The following WDR64 variants were observed in gnomAD, a reference collection of about 807,000 sequenced individuals.
WDR64 encodes WD repeat domain 64.
Under a neutral mutation model 139.3 loss-of-function variants are expected in WDR64, and 112 were observed. That is an observed-to-expected ratio of 0.80 (90% confidence interval 0.69 to 0.94). The LOEUF is 0.94. WDR64 is among the 40% of genes least tolerant of loss of function. The pLI is 0.00. For missense variants in WDR64, 1,206 were observed against 1,293.1 expected, an observed-to-expected ratio of 0.93 and a Z score of 1.03; for synonymous variants, 444 against 437.7, an observed-to-expected ratio of 1.01 and a Z score of -0.18.
chr1:241,742,525 C>T (rs2148247024), intron 12 of WDR64, among the ~76,000 whole-genome samples: 1 of 152,272 alleles, frequency 6.6e-6, no homozygotes, highest in African/African-American at 2.4e-5. Context: ...CCACCAGCAC[C>T]ATGACAGTTT....
chr1:241,670,799 C>T (rs1558462995), intron 2 of WDR64, among the ~76,000 whole-genome samples: 1 of 152,096 alleles, frequency 6.6e-6, no homozygotes, highest in East Asian at 1.9e-4. Flanking sequence ...GAATCTAGTG[C>T]CTGATGATCT....
intron 24 of WDR64, among the ~76,000 whole-genome samples, chr1:241,788,852 G>A (rs1003524372): frequency 5.9e-5 from 9 of 152,096 alleles, no homozygotes; most frequent in African/African-American, 2.2e-4. Flanking sequence ...TGGAAGAGGT[G>A]GTGTAGTAAG....
Position 241,769,423 on chromosome 1 carries a change from T to G in WDR64, c.2101T>G (p.Phe701Val), listed in dbSNP as rs1658330631. Residue 701 changes from phenylalanine (F) to valine (V), a missense_variant, in exon 17 of 28, where the codon TTC becomes GTC. Coordinates refer to ENST00000437684, the MANE Select transcript of WDR64 (RefSeq NM_001367482.1). ...VKKVYRPEDCFTVNPDLHPKH... is the reference protein window; with the variant it reads ...VKKVYRPEDCVTVNPDLHPKH... The stretch of plus-strand genomic sequence containing the variant: ...TTCTAGGTACCGACCTGAAGATTGC[T>G]TCACTGTAAACCCTGACTTGCATCC... 1.3e-6 allele frequency: 2 copies of G among 1,551,496 alleles called. No individual in the cohort carries two copies. Among genetic ancestry groups the G allele is most frequent in the African/African-American group, 2.7e-5 (2 of 73,174 alleles).
intron 15 of WDR64, among the ~76,000 whole-genome samples, chr1:241,760,978 G>A (rs1481756490): frequency 1.3e-5 from 2 of 151,650 alleles, no homozygotes; most frequent in Admixed American, 1.3e-4. Context: ...CCAAGAAGAG[G>A]GATTGGTTGC....
intron 24 of WDR64, 133 bp from the exon 25 acceptor site, chr1:241,790,458 G>T (rs886169875): frequency 2.9e-6 from 2 of 680,372 alleles, no homozygotes; most frequent in Non-Finnish European, 5.0e-6. Flanking sequence ...TGAGTGTAGA[G>T]ATACTGTCAT....
Position 241,656,141 on chromosome 1 carries a change from C to A in WDR64, c.145+3512C>A, listed in dbSNP as rs147274831. On this transcript the variant is annotated intron_variant, in intron 1 of 27. Transcript: ENST00000437684. The surrounding 1 kb of genome is among the most constrained non-coding windows in gnomAD (Gnocchi z 4.3). ...AGACAAGTTACCTTCTATCACGGGG[C>A]GGCCTAAGAAAGAGTGAGGAGAAGG... 4.1e-4 allele frequency among the ~76,000 whole-genome samples: 63 copies of A among 152,244 alleles called. No homozygotes were observed. The highest frequency in any genetic ancestry group is 1.4e-3 in the African/African-American group (57 of 41,554).
rs1199092328 is a variant in WDR64, at chr1:241,674,869, CCTTT to C, written c.483+132_483+135del. 15 of 143,864 alleles carry C rather than the reference CCTTT, an allele frequency of 1.0e-4. 4 individuals carry two copies. Among genetic ancestry groups the C allele is most frequent in the East Asian group, 8.0e-4 (9 of 11,318 alleles). The allele number at this position is 143,864 out of a possible 1,614,324, so 8.9% of individuals were successfully genotyped here. A position where few individuals can be genotyped will look rare whatever the true frequency, so the allele number is the denominator to read the frequency against. ...TTCCTTCTTTCCTTCCTCCCTCCCT[CCTTT>C]CTTTCTTTCCTTCTTGCTTTTATTT... On this transcript the variant is annotated intron_variant, in intron 4 of 27. Coordinates refer to ENST00000437684, the MANE Select transcript of WDR64 (RefSeq NM_001367482.1).
intron 15 of WDR64, among the ~76,000 whole-genome samples, chr1:241,761,926 C>T (rs771550085): frequency 1.3e-5 from 2 of 152,178 alleles, no homozygotes; most frequent in Non-Finnish European, 2.9e-5. Flanking sequence ...GTCACTTTCT[C>T]CACTGAAGTC....
chr1:241,705,732 T>C (rs1667928572), intron 8 of WDR64, among the ~76,000 whole-genome samples: 4 of 152,056 alleles, frequency 2.6e-5, no homozygotes, highest in Admixed American at 2.6e-4. Context: ...CAGATACAGA[T>C]GTGTGCCAAC....
chr1:241,766,841 A>G (rs1263727775), intron 16 of WDR64, among the ~76,000 whole-genome samples: 1 of 152,230 alleles, frequency 6.6e-6, no homozygotes, highest in African/African-American at 2.4e-5. Context: ...TGATATAAGT[A>G]AGGTGAACTG....
At position 241,656,677 on chromosome 1, in the gene WDR64, T is replaced by C. The variant is rs1573981018; in HGVS notation, c.146-3853T>C. Among the ~76,000 whole-genome samples, 1 of 152,236 alleles carries C rather than the reference T, an allele frequency of 6.6e-6. No individual in the cohort carries two copies. The highest frequency in any genetic ancestry group is 1.9e-4 in the East Asian group (1 of 5,176). On this transcript the variant is annotated intron_variant, in intron 1 of 27. Transcript: ENST00000437684. This position sits in a 1 kb window ranked among gnomAD's most constrained non-coding sequence, Gnocchi z 4.3. ...CATTCTAGAACCAGGTATCTTAACC[T>C]TGGCACTACTGATGTTTTGGCTAAA...
chr1:241,673,762 T>C (rs1428369228), intron 3 of WDR64, among the ~76,000 whole-genome samples: 1 of 151,866 alleles, frequency 6.6e-6, no homozygotes, highest in African/African-American at 2.4e-5. Context: ...TGGAAGAAAT[T>C]CTATATATAT....
At chr1:241,730,497 T>C (rs895243144) in intron 10 of WDR64, among the ~76,000 whole-genome samples, 2 of 152,232 alleles carry the variant, frequency 1.3e-5, no homozygotes, top group African/African-American at 4.8e-5. Flanking sequence ...TAGACACCTC[T>C]ACCAGCTTTC....
At chr1:241,699,210 A>G (rs1667612340) in intron 8 of WDR64, among the ~76,000 whole-genome samples, 1 of 152,126 alleles carries the variant, frequency 6.6e-6, no homozygotes, top group Non-Finnish European at 1.5e-5. Flanking sequence ...TATTTATTGC[A>G]TCTTAATTAT....
chr1:241,781,542 C>T (rs918602239), intron 22 of WDR64, among the ~76,000 whole-genome samples: 1 of 152,206 alleles, frequency 6.6e-6, no homozygotes, highest in African/African-American at 2.4e-5. Context: ...TAATCTTGTT[C>T]TCTCCCGATA....
Position 241,744,467 on chromosome 1 carries a change from T to C in WDR64, c.1545T>C (p.Ser515=), listed in dbSNP as rs187933464. The C allele has an allele frequency of 1.2e-6, 2 of 1,614,192 alleles. No individual in the cohort carries two copies. The highest frequency in any genetic ancestry group is 4.5e-5 in the East Asian group (2 of 44,880). Residue 515 remains serine (S), a synonymous_variant, in exon 13 of 28, where the codon TCT becomes TCC. Coordinates refer to ENST00000437684, the MANE Select transcript of WDR64 (RefSeq NM_001367482.1). ...EPHGFNTEVT[S]AAVDESGFLF... The stretch of plus-strand genomic sequence containing the variant: ...ATGGTTTCAATACTGAAGTGACTTC[T>C]GCAGCTGTCGATGAAAGTGGATTTC...
intron 16 of WDR64, among the ~76,000 whole-genome samples, chr1:241,766,643 G>A (rs1297578271): frequency 1.3e-5 from 2 of 151,776 alleles, no homozygotes; most frequent in Non-Finnish European, 2.9e-5. Context: ...GGAGGTAGCA[G>A]TGAGCTGAGA....
chr1:241,741,377 T>G (rs775161439), intron 11 of WDR64, 139 bp from the exon 12 acceptor site: 2 of 601,770 alleles, frequency 3.3e-6, no homozygotes, highest in Non-Finnish European at 5.4e-6. Flanking sequence ...TATTCTCACC[T>G]CATTACATTT....
intron 9 of WDR64, among the ~76,000 whole-genome samples, chr1:241,720,028 C>G (rs1668548182): frequency 6.6e-6 from 1 of 152,104 alleles, no homozygotes. Context: ...GGTTCAGCTC[C>G]CACTTATAAG....
Sources: allele counts gnomAD v4.1 joint callset (sites outside exome capture counted in the v4.1 genomes callset), GRCh38; gene constraint gnomAD v4.1.1; non-coding constraint Gnocchi (gnomAD v3.1); transcripts MANE v1.5; gene names NCBI Gene and HGNC (gene_info 2026-07-23, HGNC 2026-07-21).